The following ATP8B2 variants were observed in gnomAD, a reference collection of about 807,000 sequenced individuals.
ATP8B2 encodes the protein phospholipid-transporting ATPase ID.
ATP8B2 carries 70 observed loss-of-function variants against 133.4 expected under a neutral mutation model. That is an observed-to-expected ratio of 0.52 (90% confidence interval 0.43 to 0.64). The LOEUF (loss-of-function observed/expected upper bound fraction) is 0.64. Ranked by LOEUF, ATP8B2 falls within the 30% of genes least tolerant of loss-of-function variation. The pLI is 0.00. For synonymous variants in ATP8B2, 517 were observed against 589.5 expected, an observed-to-expected ratio of 0.88 and a Z score of 1.78; for missense variants, 1,101 against 1,535.7, an observed-to-expected ratio of 0.72 and a Z score of 4.73.
In ATP8B2 at chr1:154,325,536, G is replaced by C. The variant is rs1434616240; in HGVS notation, c.-204G>C. ...CCGCCGGCTCCGTCACTTCCGCCCC[G>C]CCGTGGCCGAAACTGACACAAAGTA... On this transcript the variant is annotated 5_prime_UTR_variant, in exon 1 of 28. Coordinates refer to ENST00000368489, the MANE Select transcript of ATP8B2 (RefSeq NM_001370597.1). The C allele has an allele frequency of 6.6e-6, 1 of 151,816 alleles. No homozygotes were observed. Among genetic ancestry groups the C allele is most frequent in the Non-Finnish European group, 1.5e-5 (1 of 67,856 alleles). 9.4% of individuals were successfully genotyped at this position (151,816 alleles called of 1,614,324 possible).
Position 154,343,864 on chromosome 1 carries a change from C to CCAGG in ATP8B2, c.1759-28_1759-25dup. 1 of 1,582,282 alleles carries CCAGG rather than the reference C, an allele frequency of 6.3e-7. No individual in the cohort carries two copies. The highest frequency in any genetic ancestry group is 8.6e-7 in the Non-Finnish European group (1 of 1,164,442). On this transcript the variant is annotated intron_variant, in intron 17 of 27. Coordinates refer to ENST00000368489, the MANE Select transcript of ATP8B2 (RefSeq NM_001370597.1). The surrounding 1 kb of genome is among the most constrained non-coding windows in gnomAD (Gnocchi z 5.8). The stretch of plus-strand genomic sequence containing the variant: ...CTGTCCATTAGCTCTCCAGACTTAC[C>CCAGG]CAGGTGTGCCTTTCCACTCTGCCTC...
chr1:154,336,451 G>GA (rs11371032), intron 11 of ATP8B2, among the ~76,000 whole-genome samples: 122,808 of 145,418 alleles, frequency 0.84, 52,345 homozygotes, highest in South Asian at 0.96. Flanking sequence ...GATAAGCTTA[G>GA]AAAAAAAAAA....
Position 154,346,667 on chromosome 1 carries a change from C to G in ATP8B2, c.3072C>G (p.Ile1024Met), listed in dbSNP as rs1686595471. Residue 1024 changes from isoleucine (I) to methionine (M), a missense_variant, in exon 26 of 28, where the codon ATC becomes ATG. Transcript: ENST00000368489. This position sits in a 1 kb window ranked among gnomAD's most constrained non-coding sequence, Gnocchi z 4.5. ...GGACGGCCATCAACCACTTCTTCAT[C>G]TGGGGAAGCCTTGCTGTTTACTTTG... ...GYWTAINHFF[I>M]WGSLAVYFAI... is the part of the protein sequence containing the mutation. 1 of 1,614,120 alleles carries G rather than the reference C, an allele frequency of 6.2e-7. No homozygotes were observed. Among genetic ancestry groups the G allele is most frequent in the African/African-American group, 1.3e-5 (1 of 74,932 alleles).
chr1:154,329,220 T>TAC, intron 2 of ATP8B2: 1 of 771,946 alleles, frequency 1.3e-6, no homozygotes, highest in South Asian at 1.8e-5. Context: ...ATCCAGTCCC[T>TAC]ACCTTCTTCG....
chr1:154,327,915 A>T (rs1490614807), intron 1 of ATP8B2, 190 bp from the exon 2 acceptor site: 5 of 1,579,486 alleles, frequency 3.2e-6, no homozygotes, highest in Non-Finnish European at 3.5e-6. Flanking sequence ...CAGGGGCATG[A>T]TGGGAGGTGG....
chr1:154,335,777 C>T (rs972463669), intron 11 of ATP8B2, among the ~76,000 whole-genome samples: 3 of 151,702 alleles, frequency 2.0e-5, no homozygotes, highest in Admixed American at 6.6e-5. Context: ...CAGTGGCTCA[C>T]GCCTGTAATC....
Position 154,348,396 on chromosome 1 carries a change from CT to C in ATP8B2, c.3164-10del, listed in dbSNP as rs780495643. On this transcript the variant is annotated splice_polypyrimidine_tract_variant and intron_variant, in intron 26 of 27. Transcript: ENST00000368489. ...GTGACTCCCAAGGCCACTGACTCCTCTTCATCCCCAGGGAATGCCCAGAACA... is the reference window on the plus strand; with the variant it reads ...GTGACTCCCAAGGCCACTGACTCCTCTCATCCCCAGGGAATGCCCAGAACA... 2.5e-6 allele frequency: 4 copies of C among 1,595,556 alleles called. No homozygotes were observed. The highest frequency in any genetic ancestry group is 2.6e-6 in the Non-Finnish European group (3 of 1,165,716).
In ATP8B2 at chr1:154,344,822, C is replaced by A; in HGVS notation, c.2286+37C>A. ...TATCCTTAGCTTGGGCAGTATCTTT[C>A]CAGTGAGCACTTCTGTCCAGGGCTT... On this transcript the variant is annotated intron_variant, in intron 21 of 27. Coordinates refer to ENST00000368489, the MANE Select transcript of ATP8B2 (RefSeq NM_001370597.1). The surrounding 1 kb of genome is among the most constrained non-coding windows in gnomAD (Gnocchi z 4.1). 6.3e-7 allele frequency: 1 copy of A among 1,575,474 alleles called. No homozygotes were observed. The highest frequency in any genetic ancestry group is 8.6e-7 in the Non-Finnish European group (1 of 1,156,264).
chr1:154,347,505 C>T (rs937601901), intron 26 of ATP8B2, among the ~76,000 whole-genome samples: 3 of 152,030 alleles, frequency 2.0e-5, no homozygotes, highest in South Asian at 2.1e-4. Flanking sequence ...TTTAAAGGGC[C>T]GCTCTTACAG....
Position 154,344,805 on chromosome 1 carries a change from G to T in ATP8B2, c.2286+20G>T, listed in dbSNP as rs9660850. The T allele has an allele frequency of 3.7e-5, 58 of 1,584,322 alleles. No individual in the cohort carries two copies. The East Asian group carries it at 1.3e-3, about 35-fold the overall frequency. On this transcript the variant is annotated intron_variant, in intron 21 of 27. Coordinates refer to ENST00000368489, the MANE Select transcript of ATP8B2 (RefSeq NM_001370597.1). This position sits in a 1 kb window ranked among gnomAD's most constrained non-coding sequence, Gnocchi z 4.1. ...AGCCTGGTAGGCATCGCTATCCTTA[G>T]CTTGGGCAGTATCTTTCCAGTGAGC...
rs1432332705 is a variant in ATP8B2, at chr1:154,328,925, C to G, written c.31+753C>G. 1 of 1,284,808 alleles carries G rather than the reference C, an allele frequency of 7.8e-7. No homozygotes were observed. The highest frequency in any genetic ancestry group is 1.0e-6 in the Non-Finnish European group (1 of 980,652). The allele number at this position is 1,284,808 out of a possible 1,614,324, so 79.6% of individuals were successfully genotyped here. ...CCTGCACCTCCCCGGGGAGCCGCCC[C>G]GTCGATGCCACTAAGGCCAAGGACA... On this transcript the variant is annotated intron_variant, in intron 2 of 27. Transcript: ENST00000368489. This position sits in a 1 kb window ranked among gnomAD's most constrained non-coding sequence, Gnocchi z 4.6.
At position 154,349,220 on chromosome 1, in the gene ATP8B2, C is replaced by A; in HGVS notation, c.*102C>A. ...AACTGCTGGTCCTCATTCCTTGCTT[C>A]CCGTCCCCCCGGTAGACTCTGTCCT... On this transcript the variant is annotated 3_prime_UTR_variant, in exon 28 of 28. Transcript: ENST00000368489. 2 of 1,413,018 alleles carry A rather than the reference C, an allele frequency of 1.4e-6. No homozygotes were observed. The highest frequency in any genetic ancestry group is 2.6e-4 in the Middle Eastern group (1 of 3,918). The allele number at this position is 1,413,018 out of a possible 1,614,324, so 87.5% of individuals were successfully genotyped here.
intron 12 of ATP8B2, among the ~76,000 whole-genome samples, chr1:154,339,211 A>G (rs1248145411): frequency 6.6e-6 from 1 of 152,114 alleles, no homozygotes; most frequent in Non-Finnish European, 1.5e-5. Context: ...GTGCTGAGAG[A>G]ATATAGTTTA....
Position 154,331,958 on chromosome 1 carries a change from A to T in ATP8B2, c.443A>T (p.Asp148Val). The change falls in exon 8 of 28, where the codon GAT becomes GTT. Residue 148 changes from aspartate (D) to valine (V), a missense_variant. Physicochemically the swap from Asp to Val is radical, Grantham distance 152. Transcript: ENST00000368489. The surrounding 1 kb of genome is among the most constrained non-coding windows in gnomAD (Gnocchi z 4.8). ...KLENNQFVAA[D>V]LLLLSSSEPH... is the part of the protein sequence containing the mutation. ...CTCATTAGTTTTTCTCTCTAGGCGG[A>T]TCTCCTCCTCCTTTCCAGCAGTGAG... is the stretch of plus-strand genomic sequence containing the variant. The T allele has an allele frequency of 6.2e-7, 1 of 1,613,800 alleles. No individual in the cohort carries two copies. Among genetic ancestry groups the T allele is most frequent in the Non-Finnish European group, 8.5e-7 (1 of 1,179,708 alleles).
chr1:154,341,080 G>T lies in ATP8B2; in HGVS notation c.1243+18G>T. 6.2e-7 allele frequency: 1 copy of T among 1,613,482 alleles called. No individual in the cohort carries two copies. Among genetic ancestry groups the T allele is most frequent in the East Asian group, 2.2e-5 (1 of 44,840 alleles). On this transcript the variant is annotated intron_variant, in intron 13 of 27. Transcript: ENST00000368489. ...CAGCTATGGTATGGTGGCACCACTG[G>T]GGACTGGGGGCTTGCACCTCGCCTG...
rs1685850103 is a variant in ATP8B2, at chr1:154,328,009, C to G, written c.-37-96C>G. On this transcript the variant is annotated intron_variant, in intron 1 of 27. Coordinates refer to ENST00000368489, the MANE Select transcript of ATP8B2 (RefSeq NM_001370597.1). The surrounding 1 kb of genome is among the most constrained non-coding windows in gnomAD (Gnocchi z 4.6). ...AAGGAGGCTGGGGGAGGGGCAGGGT[C>G]AGAGCTGGAGAAGAGGGTCTTCAAA... 6.6e-7 allele frequency: 1 copy of G among 1,511,002 alleles called. No homozygotes were observed. Among genetic ancestry groups the G allele is most frequent in the Admixed American group, 1.7e-5 (1 of 59,760 alleles). The allele number at this position is 1,511,002 out of a possible 1,614,324, so 93.6% of individuals were successfully genotyped here.
intron 26 of ATP8B2, 115 bp from the exon 27 acceptor site, chr1:154,348,293 C>T (rs931778069): frequency 3.3e-5 from 39 of 1,168,332 alleles, no homozygotes; most frequent in African/African-American, 4.7e-5. Flanking sequence ...CCTGGAGAAG[C>T]GGGAAGCCAG....
chr1:154,328,935 A>G lies in ATP8B2; in HGVS notation c.31+763A>G. On this transcript the variant is annotated intron_variant, in intron 2 of 27. Transcript: ENST00000368489. This position sits in a 1 kb window ranked among gnomAD's most constrained non-coding sequence, Gnocchi z 4.6. ...CCCGGGGAGCCGCCCCGTCGATGCC[A>G]CTAAGGCCAAGGACATATAGACGGT... is the stretch of plus-strand genomic sequence containing the variant. 4 of 1,298,322 alleles carry G rather than the reference A, an allele frequency of 3.1e-6. No homozygotes were observed. The highest frequency in any genetic ancestry group is 3.0e-6 in the Non-Finnish European group (3 of 986,430). 80.4% of individuals were successfully genotyped at this position (1,298,322 alleles called of 1,614,324 possible). A position where few individuals can be genotyped will look rare whatever the true frequency, so the allele number is the denominator to read the frequency against.
chr1:154,343,110 C>A lies in ATP8B2; in HGVS notation c.1454-3C>A. 6.2e-7 allele frequency: 1 copy of A among 1,612,266 alleles called. No homozygotes were observed. The highest frequency in any genetic ancestry group is 2.2e-5 in the East Asian group (1 of 44,870). On this transcript the variant is annotated splice_region_variant and splice_polypyrimidine_tract_variant and intron_variant, in intron 15 of 27. Transcript: ENST00000368489. The surrounding 1 kb of genome is among the most constrained non-coding windows in gnomAD (Gnocchi z 5.8). Reference sequence around the variant, plus strand: ...ATCACGTGTATTCTTCCTCCCCACCCAGGAGAGCTGTACTACAAAGCTCAG... The same window carrying A: ...ATCACGTGTATTCTTCCTCCCCACCAAGGAGAGCTGTACTACAAAGCTCAG...
Sources: allele counts gnomAD v4.1 joint callset (sites outside exome capture counted in the v4.1 genomes callset), GRCh38; gene constraint gnomAD v4.1.1; non-coding constraint Gnocchi (gnomAD v3.1); transcripts MANE v1.5; gene names NCBI Gene and HGNC (gene_info 2026-07-23, HGNC 2026-07-21).